SCN11A: variants seen among roughly 807,000 people sequenced by gnomAD.
SCN11A encodes the protein sodium voltage-gated channel alpha subunit 11, also known as sodium channel protein type 11 subunit alpha.
Under a neutral mutation model 162.2 loss-of-function variants are expected in SCN11A, and 122 were observed. The observed-to-expected ratio is 0.75, with a 90% CI of 0.65 to 0.87. The LOEUF (loss-of-function observed/expected upper bound fraction) is 0.87. Among genes scored for constraint, SCN11A ranks in the 40% least tolerant of loss-of-function variants. SCN11A has a pLI of 0.00. For synonymous variants in SCN11A, 758 were observed against 751.5 expected (o/e 1.01, Z -0.14); for missense variants, 2,015 against 2,181.6 (o/e 0.92, Z 1.52).
intron 23 of SCN11A, among the ~76,000 whole-genome samples, chr3:38,879,634 G>A (rs899461300): frequency 3.3e-5 from 5 of 152,234 alleles, no homozygotes; most frequent in East Asian, 3.9e-4. Flanking sequence ...AGAAAAAATC[G>A]AGGATACTGA....
At position 38,879,890 on chromosome 3, in the gene SCN11A, T is replaced by C; in HGVS notation, c.3393+60A>G. ...CGGCACACAGGAAAAGCAGCCTCCATATGATCCCTGCCTTAACCACTACCC... is the reference window on the plus strand; with the variant it reads ...CGGCACACAGGAAAAGCAGCCTCCACATGATCCCTGCCTTAACCACTACCC... On this transcript the variant is annotated intron_variant, in intron 23 of 29. Coordinates refer to ENST00000302328, the MANE Select transcript of SCN11A (RefSeq NM_001349253.2). 7 of 1,414,260 alleles carry C rather than the reference T, an allele frequency of 4.9e-6. No individual in the cohort carries two copies. The South Asian group carries it at 8.7e-5, about 18-fold the overall frequency. The allele number at this position is 1,414,260 out of a possible 1,614,324, so 87.6% of individuals were successfully genotyped here. A position where few individuals can be genotyped will look rare whatever the true frequency, so the allele number is the denominator to read the frequency against.
chr3:38,867,625 G>A (rs1055631963), intron 26 of SCN11A, among the ~76,000 whole-genome samples, 167 bp from the exon 27 acceptor site: 1 of 152,122 alleles, frequency 6.6e-6, no homozygotes, highest in Non-Finnish European at 1.5e-5. Flanking sequence ...TTCAGTTTTT[G>A]CAGCTCAGCT....
chr3:38,856,683 T>C (rs529605120), intron 28 of SCN11A, among the ~76,000 whole-genome samples: 1 of 152,174 alleles, frequency 6.6e-6, no homozygotes, highest in East Asian at 1.9e-4. Flanking sequence ...GCCTGAAGCC[T>C]GAATCATCAA....
Position 38,886,230 on chromosome 3 carries a change from C to T in SCN11A, c.2844G>A (p.Glu948=), listed in dbSNP as rs750791278. The T allele has an allele frequency of 5.6e-6, 9 of 1,607,992 alleles. No individual in the cohort carries two copies. The highest frequency in any genetic ancestry group is 5.3e-5 in the African/African-American group (4 of 74,774). ...TGGGCTTCTTGTTCTCCTGATGGAG[C>T]TCATAGGCCTAACACAGAGAGCCCA... ...TQPEPEQQAY[E]LHQENKKPTS... is the part of the protein sequence containing the mutation. Residue 948 remains glutamate, a synonymous_variant, in exon 20 of 30, where the codon GAG becomes GAA. Transcript: ENST00000302328.
At chr3:38,869,762 C>A (rs948188830) in intron 26 of SCN11A, among the ~76,000 whole-genome samples, 24 of 152,156 alleles carry the variant, frequency 1.6e-4, no homozygotes, top group Non-Finnish European at 3.4e-4. Context: ...TGAATGCTGA[C>A]ATAACATGCA....
chr3:39,017,863 TCCTACTCCTTTGCA>T, intron 2 of SCN11A, among the ~76,000 whole-genome samples: 1 of 152,374 alleles, frequency 6.6e-6, no homozygotes, highest in East Asian at 1.9e-4. Context: ...GGTCATATTT[TCCTACTCCTTTGCA>T]TGCCTGGCAA....
rs550663259 is a variant in SCN11A, at chr3:38,987,685, C to G, written c.-279-27262G>C. Among the ~76,000 whole-genome samples, 8 of 152,252 alleles carry G rather than the reference C, an allele frequency of 5.3e-5. No individual in the cohort carries two copies. The South Asian group carries it at 1.7e-3, about 32-fold the overall frequency. On this transcript the variant is annotated intron_variant, in intron 2 of 29. Coordinates refer to ENST00000302328, the MANE Select transcript of SCN11A (RefSeq NM_001349253.2). ...GGCACTTCAGTGAAGCCTAGTTGAT[C>G]AAATTTGATGAATCTTACCTTAAAA...
At chr3:38,993,914 C>T (rs552195612) in intron 2 of SCN11A, among the ~76,000 whole-genome samples, 1 of 152,348 alleles carries the variant, frequency 6.6e-6, no homozygotes, top group South Asian at 2.1e-4. Context: ...TGGGAAGCAG[C>T]CTTGCCTTCC....
At chr3:38,898,239 A>G (rs2065639503) in intron 17 of SCN11A, among the ~76,000 whole-genome samples, 1 of 152,244 alleles carries the variant, frequency 6.6e-6, no homozygotes, top group Non-Finnish European at 1.5e-5. Context: ...CTCTGTCTCA[A>G]AAAAGAAAAT....
intron 25 of SCN11A, 99 bp from the exon 26 acceptor site, chr3:38,870,843 T>C (rs1164970756): frequency 1.1e-6 from 1 of 933,042 alleles, no homozygotes; most frequent in African/African-American, 1.6e-5. Context: ...GGGCTGAATA[T>C]ATAAGATGAT....
At position 38,904,030 on chromosome 3, in the gene SCN11A, A is replaced by G; in HGVS notation, c.1677T>C (p.Cys559=). 6.2e-7 allele frequency: 1 copy of G among 1,609,268 alleles called. No homozygotes were observed. Among genetic ancestry groups the G allele is most frequent in the Non-Finnish European group, 8.5e-7 (1 of 1,178,874 alleles). Residue 559 remains cysteine (C), a synonymous_variant, in exon 16 of 30, where the codon TGT becomes TGC. Coordinates refer to ENST00000302328, the MANE Select transcript of SCN11A (RefSeq NM_001349253.2). ...NLASKYLVWN[C]CPQWLCVKKV... is the part of the protein sequence containing the mutation. ...TCTTAACGCACAGCCACTGGGGGCA[A>G]CAGTTCCACACGAGGTACTTGGATG... is the stretch of plus-strand genomic sequence containing the variant.
At chr3:39,007,369 C>T (rs568913311) in intron 2 of SCN11A, among the ~76,000 whole-genome samples, 75 of 152,220 alleles carry the variant, frequency 4.9e-4, no homozygotes, top group African/African-American at 1.7e-3. Context: ...TCTTAGTCCC[C>T]GGTTCCTGAC....
rs2065123565 is a variant in SCN11A, at chr3:38,871,440, C to T, written c.3759+5G>A. On this transcript the variant is annotated splice_donor_5th_base_variant and intron_variant, in intron 25 of 29. Transcript: ENST00000302328. ...CAGAGTGAAAAACATACTGACTGTA[C>T]TTACCACTTGCAGCAGAGCGAGGTA... is the stretch of plus-strand genomic sequence containing the variant. The T allele has an allele frequency of 6.3e-7, 1 of 1,595,904 alleles. No homozygotes were observed. Among genetic ancestry groups the T allele is most frequent in the South Asian group, 1.2e-5 (1 of 86,614 alleles).
chr3:38,907,349 T>TATATATA (rs1559523568), intron 14 of SCN11A, among the ~76,000 whole-genome samples: 180 of 16,504 alleles, frequency 0.011, 1 homozygote, highest in African/African-American at 0.015. Context: ...TGTGTATATA[T>TATATATA]CTATATATAC....
chr3:38,885,924 A>G (rs2065390014), intron 20 of SCN11A, among the ~76,000 whole-genome samples: 1 of 152,226 alleles, frequency 6.6e-6, no homozygotes, highest in African/African-American at 2.4e-5. Context: ...TACAATTCAC[A>G]GAAAAGCTCA....
intron 1 of SCN11A, among the ~76,000 whole-genome samples, chr3:39,041,898 A>T (rs866384072): frequency 2.0e-5 from 3 of 152,242 alleles, no homozygotes; most frequent in African/African-American, 4.8e-5. Context: ...AAAAAATATC[A>T]TATTTCAATA....
intron 19 of SCN11A, 53 bp downstream of exon 19, chr3:38,894,480 T>C (rs766702147): frequency 1.5e-5 from 22 of 1,432,614 alleles, no homozygotes; most frequent in Non-Finnish European, 2.0e-5. Flanking sequence ...ACCAGTGCCC[T>C]GTGATAACTC....
rs138085461 is a variant in SCN11A, at chr3:38,869,955, T to G, written c.3813+736A>C. On this transcript the variant is annotated intron_variant, in intron 26 of 29. Coordinates refer to ENST00000302328, the MANE Select transcript of SCN11A (RefSeq NM_001349253.2). ...GTACCAGCTCACAGGTACTGAATAC[T>G]TTTTAGGTGTTAGGCATCAACTCTG... Among the ~76,000 whole-genome samples the G allele has an allele frequency of 2.3e-3, 347 of 152,284 alleles. 2 individuals are homozygous for G. Among genetic ancestry groups the G allele is most frequent in the African/African-American group, 8.0e-3 (331 of 41,556 alleles).
chr3:38,961,289 T>C (rs1449616869), intron 2 of SCN11A, among the ~76,000 whole-genome samples: 1 of 152,258 alleles, frequency 6.6e-6, no homozygotes, highest in Non-Finnish European at 1.5e-5. Context: ...ATGATAATTC[T>C]TTCAAATCTT....
Sources: gnomAD v4.1 joint callset for allele counts (sites outside exome capture counted in the v4.1 genomes callset) on GRCh38, gnomAD v4.1.1 for gene constraint, MANE v1.5 for transcripts, NCBI Gene and HGNC (gene_info 2026-07-23, HGNC 2026-07-21) for gene names.